Variants in MSRA observed in about 807,000 individuals in gnomAD.
MSRA encodes mitochondrial peptide methionine sulfoxide reductase.
Under a neutral mutation model 31.3 loss-of-function variants are expected in MSRA, and 54 were observed. That is an observed-to-expected ratio of 1.73 (90% CI 1.39 to 2.17). MSRA has a LOEUF of 2.17. Ranked by LOEUF, MSRA falls within the 30% of genes most tolerant of loss-of-function variation. The pLI is 0.00. For missense variants in MSRA, 507 were observed against 300.9 expected, an observed-to-expected ratio of 1.69 and a Z score of -5.07; for synonymous variants, 169 against 116.5, an observed-to-expected ratio of 1.45 and a Z score of -2.90.
intron 5 of MSRA, among the ~76,000 whole-genome samples, chr8:10,368,119 A>G (rs1272717305): frequency 3.3e-5 from 5 of 152,204 alleles, no homozygotes; most frequent in African/African-American, 1.2e-4. Context: ...TCATGAAGCC[A>G]TGGAAAGAAA....
intron 1 of MSRA, among the ~76,000 whole-genome samples, chr8:10,064,088 TG>T (rs901997153): frequency 2.0e-5 from 3 of 152,206 alleles, no homozygotes; most frequent in Non-Finnish European, 4.4e-5. Flanking sequence ...ATTTGGTGCT[TG>T]GTGGTAGTCA....
intron 5 of MSRA, among the ~76,000 whole-genome samples, chr8:10,418,149 T>C (rs1470481374): frequency 2.0e-5 from 3 of 152,214 alleles, no homozygotes; most frequent in African/African-American, 7.2e-5. Flanking sequence ...AATACACATA[T>C]ACGTTTTACA....
rs1161666940 is a variant in MSRA, at chr8:10,254,261, C to A, written c.331+9038C>A. ...GATGAGGGTGACCACCTACCCACAA[C>A]GTGTTTTGAACTCTTTTATTTATAG... On this transcript the variant is annotated intron_variant, in intron 3 of 5. Coordinates refer to ENST00000317173, the MANE Select transcript of MSRA (RefSeq NM_012331.5). Among the ~76,000 whole-genome samples, 4 of 152,198 alleles carry A rather than the reference C, an allele frequency of 2.6e-5. No homozygotes were observed. The South Asian group carries it at 8.3e-4, about 32-fold the overall frequency.
rs533687449 is a variant in MSRA, at chr8:10,291,969, C to G, written c.332-9565C>G. On this transcript the variant is annotated intron_variant, in intron 3 of 5. Transcript: ENST00000317173. ...TCGTTACATTAGTCACCGTGGAATC[C>G]TCAGTGCTCAGCACCGTGCATGGAG... 1.5e-4 allele frequency among the ~76,000 whole-genome samples: 23 copies of G among 152,280 alleles called. No individual in the cohort carries two copies. In the South Asian group the frequency reaches 4.6e-3, roughly 30 times the overall value.
At chr8:10,124,723 CTAT>C (rs1338807130) in intron 1 of MSRA, among the ~76,000 whole-genome samples, 2 of 152,054 alleles carry the variant, frequency 1.3e-5, no homozygotes, top group South Asian at 2.1e-4. Context: ...TGCAAGAAAT[CTAT>C]TATTCGAGGA....
chr8:10,380,270 T>C (rs1805987664), intron 5 of MSRA, among the ~76,000 whole-genome samples: 1 of 152,226 alleles, frequency 6.6e-6, no homozygotes, highest in Non-Finnish European at 1.5e-5. Flanking sequence ...GATTTAAGAT[T>C]CAGCCAGAAG....
At chr8:10,105,524 C>T (rs765714453) in intron 1 of MSRA, among the ~76,000 whole-genome samples, 1 of 152,176 alleles carries the variant, frequency 6.6e-6, no homozygotes, top group Non-Finnish European at 1.5e-5. Flanking sequence ...CTATTATTTG[C>T]AGGGACTGCT....
chr8:10,162,065 C>T (rs1257349793), intron 1 of MSRA, among the ~76,000 whole-genome samples: 1 of 152,144 alleles, frequency 6.6e-6, no homozygotes, highest in East Asian at 1.9e-4. Context: ...CAGCCCGTGA[C>T]ACTTTGAAGC....
chr8:10,306,759 G>A (rs1025202317), intron 4 of MSRA, among the ~76,000 whole-genome samples: 2 of 152,124 alleles, frequency 1.3e-5, no homozygotes, highest in Admixed American at 6.5e-5. Context: ...GGGACTCGGG[G>A]CACAGACTGA....
At chr8:10,155,404 T>A (rs1402187477) in intron 1 of MSRA, among the ~76,000 whole-genome samples, 1 of 152,162 alleles carries the variant, frequency 6.6e-6, no homozygotes, top group Non-Finnish European at 1.5e-5. Context: ...CTCTCACTGT[T>A]GTGGTTGTAT....
chr8:10,333,407 ATG>A (rs1238652525), intron 5 of MSRA, among the ~76,000 whole-genome samples: 1 of 152,194 alleles, frequency 6.6e-6, no homozygotes, highest in African/African-American at 2.4e-5. Context: ...AGAGCAGGAA[ATG>A]GAACCTACAC....
At chr8:10,428,118 A>T (rs955433484) in intron 5 of MSRA, 30 bp from the exon 6 acceptor site, 41 of 1,600,770 alleles carry the variant, frequency 2.6e-5, no homozygotes, top group Non-Finnish European at 3.5e-5. Flanking sequence ...CTAGCATGGG[A>T]GCTGATGGCG....
At chr8:10,325,926 G>T (rs4278158) in intron 5 of MSRA, among the ~76,000 whole-genome samples, 1 of 152,002 alleles carries the variant, frequency 6.6e-6, no homozygotes, top group East Asian at 1.9e-4. Flanking sequence ...TAACACTCCT[G>T]GATTATGGTC....
Position 10,273,952 on chromosome 8 carries a change from A to G in MSRA, c.332-27582A>G, listed in dbSNP as rs1019162908. ...GAGCCTAGAGAGAGGCAGCTGCTTTATAGGAGGTGAGGATAGGAGAGAGTT... is the reference window on the plus strand; with the variant it reads ...GAGCCTAGAGAGAGGCAGCTGCTTTGTAGGAGGTGAGGATAGGAGAGAGTT... On this transcript the variant is annotated intron_variant, in intron 3 of 5. Transcript: ENST00000317173. 2.0e-5 allele frequency among the ~76,000 whole-genome samples: 3 copies of G among 152,052 alleles called. No homozygotes were observed. The East Asian group carries it at 5.8e-4, about 29-fold the overall frequency.
intron 5 of MSRA, among the ~76,000 whole-genome samples, chr8:10,362,653 C>T (rs549967324): frequency 2.0e-5 from 3 of 152,160 alleles, no homozygotes; most frequent in Non-Finnish European, 2.9e-5. Context: ...TGTCCCTGCT[C>T]CCCCACCAAT....
chr8:10,406,119 G>A (rs930420793), intron 5 of MSRA, among the ~76,000 whole-genome samples: 3 of 152,246 alleles, frequency 2.0e-5, no homozygotes, highest in African/African-American at 4.8e-5. Context: ...GGGGAGAAGC[G>A]TGACTCTCCC....
At chr8:10,191,553 T>C (rs956024373) in intron 1 of MSRA, among the ~76,000 whole-genome samples, 1 of 152,202 alleles carries the variant, frequency 6.6e-6, no homozygotes, top group African/African-American at 2.4e-5. Context: ...TACTTTGATA[T>C]CTTACACTCT....
chr8:10,138,142 G>A (rs1017500726), intron 1 of MSRA, among the ~76,000 whole-genome samples: 3 of 152,196 alleles, frequency 2.0e-5, no homozygotes, highest in Non-Finnish European at 4.4e-5. Flanking sequence ...AGTGATGGGT[G>A]GTAAATTGGA....
At chr8:10,071,933 A>G (rs1296358309) in intron 1 of MSRA, among the ~76,000 whole-genome samples, 2 of 152,196 alleles carry the variant, frequency 1.3e-5, no homozygotes, top group Non-Finnish European at 2.9e-5. Flanking sequence ...AGACAGAGCA[A>G]GATCAGTTTC....
Sources: allele counts gnomAD v4.1 joint callset (sites outside exome capture counted in the v4.1 genomes callset), GRCh38; gene constraint gnomAD v4.1.1; transcripts MANE v1.5; gene names NCBI Gene and HGNC (gene_info 2026-07-23, HGNC 2026-07-21).